The following DSCAM variants were observed in gnomAD, a reference collection of about 807,000 sequenced individuals.
DSCAM encodes cell adhesion molecule DSCAM.
In DSCAM, 47 loss-of-function variants were observed where a neutral mutation model predicts 217.7. That is an observed-to-expected ratio of 0.22 (90% CI 0.17 to 0.28). The LOEUF (loss-of-function observed/expected upper bound fraction) is 0.28. Ranked by LOEUF, DSCAM falls within the 10% of genes least tolerant of loss-of-function variation. The pLI is 1.00. For synonymous variants in DSCAM, 1,056 were observed against 1,015.3 expected, an observed-to-expected ratio of 1.04 and a Z score of -0.76; for missense variants, 2,080 against 2,618.3, an observed-to-expected ratio of 0.79 and a Z score of 4.49.
chr21:40,180,658 C>G (rs1245784745), intron 14 of DSCAM, among the ~76,000 whole-genome samples: 1 of 152,094 alleles, frequency 6.6e-6, no homozygotes, highest in African/African-American at 2.4e-5. Context: ...TGCTAAGTAG[C>G]CCCTGGAGGA....
chr21:40,224,897 T>C (rs2091318138), intron 11 of DSCAM, among the ~76,000 whole-genome samples: 1 of 152,224 alleles, frequency 6.6e-6, no homozygotes, highest in Non-Finnish European at 1.5e-5. Context: ...TTGTCCTAAA[T>C]TGAATTGTCG....
At position 40,562,334 on chromosome 21, in the gene DSCAM, T is replaced by C. The variant is rs560643747; in HGVS notation, c.508+130476A>G. 3.6e-4 allele frequency among the ~76,000 whole-genome samples: 55 copies of C among 152,308 alleles called. 1 individual carries two copies. The highest frequency in any genetic ancestry group is 1.0e-3 in the African/African-American group (43 of 41,560). ...CTCTCTCACCTTCTCTCTCAGGCCA[T>C]GTAAGATGTGCCTGCCTCCCCTTCC... On this transcript the variant is annotated intron_variant, in intron 3 of 32. Transcript: ENST00000400454.
intron 3 of DSCAM, among the ~76,000 whole-genome samples, chr21:40,614,817 T>A (rs2089366475): frequency 6.6e-6 from 1 of 152,216 alleles, no homozygotes; most frequent in South Asian, 2.1e-4. Context: ...CAGGCACATG[T>A]TTCAGAAGAA....
At position 40,089,230 on chromosome 21, in the gene DSCAM, G is replaced by A. The variant is rs1324483056; in HGVS notation, c.3851-1943C>T. On this transcript the variant is annotated intron_variant, in intron 21 of 32. Coordinates refer to ENST00000400454, the MANE Select transcript of DSCAM (RefSeq NM_001389.5). ...GGTCTCTAGCCAGAAATGTATGACT[G>A]GGCAACTCAACACACTAGACCTGGG... Among the ~76,000 whole-genome samples, 3 of 152,128 alleles carry A rather than the reference G, an allele frequency of 2.0e-5. No individual in the cohort carries two copies. The East Asian group carries it at 5.8e-4, about 29-fold the overall frequency.
intron 3 of DSCAM, among the ~76,000 whole-genome samples, chr21:40,583,570 A>C (rs1200114298): frequency 6.6e-6 from 1 of 152,166 alleles, no homozygotes; most frequent in Non-Finnish European, 1.5e-5. Flanking sequence ...GGAAGGAAAA[A>C]AGAGAAGAGG....
intron 3 of DSCAM, among the ~76,000 whole-genome samples, chr21:40,629,079 GTGTGTGTGT>G (rs2089648929): frequency 2.6e-3 from 4 of 1,510 alleles, no homozygotes; most frequent in Admixed American, 9.8e-3. Flanking sequence ...TGTGTGTGGT[GTGTGTGTGT>G]GTGTGTGTGT....
intron 19 of DSCAM, among the ~76,000 whole-genome samples, chr21:40,132,268 C>A (rs116777242): frequency 7.9e-5 from 12 of 152,310 alleles, no homozygotes; most frequent in African/African-American, 2.9e-4. Context: ...CTGATGGCTA[C>A]AGCAGATTGT....
chr21:40,389,423 T>C (rs1294968832), intron 3 of DSCAM, among the ~76,000 whole-genome samples: 1 of 152,222 alleles, frequency 6.6e-6, no homozygotes, highest in Non-Finnish European at 1.5e-5. Flanking sequence ...TCTGGCACAT[T>C]CCAAAGATAT....
At chr21:40,417,766 A>T (rs921064873) in intron 3 of DSCAM, among the ~76,000 whole-genome samples, 3 of 152,230 alleles carry the variant, frequency 2.0e-5, no homozygotes, top group Non-Finnish European at 2.9e-5. Context: ...AAATTAAAAA[A>T]TCCCTTTCAC....
At chr21:40,793,829 G>T (rs755852055) in intron 1 of DSCAM, among the ~76,000 whole-genome samples, 1 of 152,090 alleles carries the variant, frequency 6.6e-6, no homozygotes, top group Non-Finnish European at 1.5e-5. Context: ...AACTCAAAGA[G>T]AGAATGAAGC....
intron 3 of DSCAM, among the ~76,000 whole-genome samples, chr21:40,401,704 G>T (rs761984110): frequency 3.3e-5 from 5 of 152,106 alleles, no homozygotes; most frequent in Non-Finnish European, 5.9e-5. Context: ...TGTTACAAAG[G>T]ATATAAGGAG....
chr21:40,501,704 G>A (rs890326552), intron 3 of DSCAM, among the ~76,000 whole-genome samples: 3 of 152,318 alleles, frequency 2.0e-5, no homozygotes, highest in African/African-American at 7.2e-5. Flanking sequence ...CGATTCTCCT[G>A]TCTCAGCCTC....
At chr21:40,029,243 G>A (rs1162368364) in intron 32 of DSCAM, among the ~76,000 whole-genome samples, 4 of 152,070 alleles carry the variant, frequency 2.6e-5, no homozygotes, top group Non-Finnish European at 5.9e-5. Flanking sequence ...GTGCCGTCAA[G>A]AGAAGCCATT....
intron 16 of DSCAM, among the ~76,000 whole-genome samples, chr21:40,163,387 G>T (rs1327332535): frequency 1.3e-5 from 2 of 152,028 alleles, no homozygotes; most frequent in Non-Finnish European, 2.9e-5. Flanking sequence ...AATTGTATTT[G>T]CTTACACAAA....
At chr21:40,289,209 C>G (rs1033565244) in intron 10 of DSCAM, among the ~76,000 whole-genome samples, 6 of 152,038 alleles carry the variant, frequency 3.9e-5, no homozygotes, top group Non-Finnish European at 8.8e-5. Context: ...AATGGGCAAC[C>G]AACAGGGTAA....
At chr21:40,582,356 TTCTG>T (rs1305345394) in intron 3 of DSCAM, among the ~76,000 whole-genome samples, 1 of 152,158 alleles carries the variant, frequency 6.6e-6, no homozygotes, top group Non-Finnish European at 1.5e-5. Context: ...GTTTTTAATT[TTCTG>T]TGAGTCCAAA....
At chr21:40,626,229 C>A (rs1044315546) in intron 3 of DSCAM, among the ~76,000 whole-genome samples, 2 of 152,118 alleles carry the variant, frequency 1.3e-5, no homozygotes, top group South Asian at 4.1e-4. Flanking sequence ...CCTGCCTCAT[C>A]CCTGCCCTCA....
At position 40,144,049 on chromosome 21, in the gene DSCAM, T is replaced by C. The variant is rs1024644229; in HGVS notation, c.3259+442A>G. Among the ~76,000 whole-genome samples the C allele has an allele frequency of 2.0e-5, 3 of 152,114 alleles. No homozygotes were observed. Among genetic ancestry groups the C allele is most frequent in the African/African-American group, 7.2e-5 (3 of 41,434 alleles). Reference sequence around the variant, plus strand: ...TAGGGGGCGATCGATCACTGTGCAATCTGAAAATTCCTTTTCTCTGTACTC... The same window carrying C: ...TAGGGGGCGATCGATCACTGTGCAACCTGAAAATTCCTTTTCTCTGTACTC... On this transcript the variant is annotated intron_variant, in intron 17 of 32. Coordinates refer to ENST00000400454, the MANE Select transcript of DSCAM (RefSeq NM_001389.5). The surrounding 1 kb of genome is among the most constrained non-coding windows in gnomAD (Gnocchi z 4.8).
At chr21:40,314,133 T>C (rs543193541) in intron 8 of DSCAM, among the ~76,000 whole-genome samples, 91 of 152,298 alleles carry the variant, frequency 6.0e-4, no homozygotes, top group African/African-American at 2.0e-3. Context: ...CCAGTGGAGC[T>C]TCCATATATA....
Sources: gnomAD v4.1 joint callset for allele counts (sites outside exome capture counted in the v4.1 genomes callset) on GRCh38, gnomAD v4.1.1 for gene constraint, Gnocchi (gnomAD v3.1) non-coding constraint, MANE v1.5 for transcripts, NCBI Gene and HGNC (gene_info 2026-07-23, HGNC 2026-07-21) for gene names.